Variants in SLC4A4 observed in about 807,000 individuals in gnomAD.
The protein encoded by SLC4A4 is electrogenic sodium bicarbonate cotransporter 1.
In SLC4A4, 27 loss-of-function variants were observed where a neutral mutation model predicts 111.5. The observed-to-expected ratio is 0.24, with a 90% CI of 0.18 to 0.33. The LOEUF is 0.33. Ranked by LOEUF, SLC4A4 falls within the 10% of genes least tolerant of loss-of-function variation. The pLI, the probability that SLC4A4 is intolerant of heterozygous loss-of-function variation, is 1.00. For missense variants in SLC4A4, 909 were observed against 1,315.5 expected, an observed-to-expected ratio of 0.69 and a Z score of 4.78; for synonymous variants, 443 against 463.4, an observed-to-expected ratio of 0.96 and a Z score of 0.57.
intron 6 of SLC4A4, among the ~76,000 whole-genome samples, chr4:71,362,942 T>C (rs1425515249): frequency 1.3e-5 from 2 of 152,208 alleles, no homozygotes; most frequent in Non-Finnish European, 2.9e-5. Context: ...CTCTGCATCT[T>C]ATCTTCAATT....
intron 1 of SLC4A4, among the ~76,000 whole-genome samples, chr4:71,217,343 G>A (rs1290876793): frequency 1.3e-5 from 2 of 152,128 alleles, no homozygotes; most frequent in East Asian, 1.9e-4. Context: ...TGAGGTGGGC[G>A]ATCCTGAGGT....
In SLC4A4 at chr4:71,345,026, C is replaced by T. The variant is rs564299776; in HGVS notation, c.390-4886C>T. On this transcript the variant is annotated intron_variant, in intron 4 of 25. Coordinates refer to ENST00000264485, the MANE Select transcript of SLC4A4 (RefSeq NM_001098484.3). ...ATGAAGTTTAAAGTAACTCTCAACTCTATCACCATCCCTTTTACGTCCTTT... is the reference window on the plus strand; with the variant it reads ...ATGAAGTTTAAAGTAACTCTCAACTTTATCACCATCCCTTTTACGTCCTTT... Among the ~76,000 whole-genome samples the T allele has an allele frequency of 5.3e-5, 8 of 152,296 alleles. No individual in the cohort carries two copies. The South Asian group carries it at 1.5e-3, about 28-fold the overall frequency.
chr4:71,070,226 C>G (rs919296663), intron 1 of SLC4A4, among the ~76,000 whole-genome samples: 2 of 152,110 alleles, frequency 1.3e-5, no homozygotes, highest in African/African-American at 4.8e-5. Context: ...TTAGGTGATG[C>G]TATAGTAACA....
At chr4:71,174,068 T>C (rs981610885) in intron 2 of SLC4A4, among the ~76,000 whole-genome samples, 20 of 152,142 alleles carry the variant, frequency 1.3e-4, no homozygotes, top group African/African-American at 1.9e-4. Context: ...GCTTATTCCA[T>C]TGGAATTTTT....
At chr4:71,485,617 A>C (rs902740300) in intron 14 of SLC4A4, among the ~76,000 whole-genome samples, 1 of 151,514 alleles carries the variant, frequency 6.6e-6, no homozygotes, top group South Asian at 2.1e-4. Flanking sequence ...AAATAGAGAA[A>C]CTCTGGCAAC....
intron 2 of SLC4A4, among the ~76,000 whole-genome samples, chr4:71,147,541 T>G (rs1744210749): frequency 6.6e-6 from 1 of 152,176 alleles, no homozygotes; most frequent in Non-Finnish European, 1.5e-5. Context: ...ACTTGGGTTT[T>G]TCTGCCAGTG....
intron 6 of SLC4A4, among the ~76,000 whole-genome samples, chr4:71,392,568 G>A (rs754130541): frequency 6.6e-6 from 1 of 152,064 alleles, no homozygotes; most frequent in Non-Finnish European, 1.5e-5. Flanking sequence ...CATATCCAGA[G>A]TGTTGATAGA....
chr4:71,096,185 T>C (rs745894542), intron 2 of SLC4A4, among the ~76,000 whole-genome samples: 3 of 152,014 alleles, frequency 2.0e-5, no homozygotes, highest in Non-Finnish European at 2.9e-5. Flanking sequence ...GGAACAAGGA[T>C]TGACTGACTC....
chr4:71,080,023 T>C lies in SLC4A4; in HGVS notation c.-64-12707T>C, dbSNP rs1220642312. Among the ~76,000 whole-genome samples the C allele has an allele frequency of 4.6e-5, 7 of 151,982 alleles. 1 individual carries two copies. Among genetic ancestry groups the C allele is most frequent in the African/African-American group, 1.7e-4 (7 of 41,280 alleles). ...CAACACCCCTCTCTGGAGGGATTAA[T>C]ATATTGATCAGCCTCTGGAGGGTGG... On this transcript the variant is annotated intron_variant, in intron 1 of 26. Transcript: ENST00000649996.
At position 71,369,811 on chromosome 4, in the gene SLC4A4, G is replaced by A. The variant is rs56068313; in HGVS notation, c.730+12624G>A. Reference sequence around the variant, plus strand: ...TGTGATATAATTTTTTTAAAGTAGAGTATTAAGAGATGAATAAGGTGATTC... The same window carrying A: ...TGTGATATAATTTTTTTAAAGTAGAATATTAAGAGATGAATAAGGTGATTC... On this transcript the variant is annotated intron_variant, in intron 6 of 25. Coordinates refer to ENST00000264485, the MANE Select transcript of SLC4A4 (RefSeq NM_001098484.3). 8.1e-3 allele frequency among the ~76,000 whole-genome samples: 1,236 copies of A among 152,224 alleles called. 17 individuals carry two copies. Among genetic ancestry groups the A allele is most frequent in the African/African-American group, 0.026 (1,062 of 41,524 alleles).
chr4:71,182,361 G>C (rs536749859), upstream of SLC4A4, among the ~76,000 whole-genome samples: 1 of 152,312 alleles, frequency 6.6e-6, no homozygotes, highest in South Asian at 2.1e-4. Flanking sequence ...GTGAAGACAT[G>C]AGTCTGGTAG....
chr4:71,080,778 CTGCTTTAGGTA>C (rs1464556253), intron 1 of SLC4A4, among the ~76,000 whole-genome samples: 1 of 152,036 alleles, frequency 6.6e-6, no homozygotes, highest in Non-Finnish European at 1.5e-5. Flanking sequence ...CCACTAGTCC[CTGCTTTAGGTA>C]TGCTGTAACC....
intron 2 of SLC4A4, among the ~76,000 whole-genome samples, chr4:71,172,722 T>G (rs904989258): frequency 6.6e-6 from 1 of 152,160 alleles, no homozygotes; most frequent in Non-Finnish European, 1.5e-5. Context: ...GTCTCGAAAT[T>G]TAATTTAGGG....
At chr4:71,480,730 T>C (rs964441336) in intron 14 of SLC4A4, among the ~76,000 whole-genome samples, 9 of 151,738 alleles carry the variant, frequency 5.9e-5, no homozygotes, top group African/African-American at 2.2e-4. Context: ...TCATGGAAAA[T>C]AGTCTTAAAG....
At chr4:71,377,742 G>A (rs890324291) in intron 6 of SLC4A4, among the ~76,000 whole-genome samples, 1 of 152,154 alleles carries the variant, frequency 6.6e-6, no homozygotes, top group Non-Finnish European at 1.5e-5. Flanking sequence ...AAGGGTCATG[G>A]TGACTCACAA....
At chr4:71,277,799 TC>T (rs1723196197) in intron 3 of SLC4A4, among the ~76,000 whole-genome samples, 1 of 152,140 alleles carries the variant, frequency 6.6e-6, no homozygotes, top group African/African-American at 2.4e-5. Context: ...TTGTCTTTTT[TC>T]TGCTTCATTG....
intron 2 of SLC4A4, among the ~76,000 whole-genome samples, chr4:71,107,577 C>T (rs558586918): frequency 1.1e-4 from 16 of 152,080 alleles, no homozygotes; most frequent in African/African-American, 3.1e-4. Flanking sequence ...CTCAAACTCC[C>T]GACCTCAAAT....
chr4:71,508,301 G>T (rs1244803181), intron 16 of SLC4A4, among the ~76,000 whole-genome samples: 1 of 151,962 alleles, frequency 6.6e-6, no homozygotes, highest in Non-Finnish European at 1.5e-5. Context: ...CCAGGAGCTG[G>T]TTTTTTGAAA....
At chr4:71,235,209 G>A (rs1719719841) in intron 1 of SLC4A4, among the ~76,000 whole-genome samples, 1 of 152,192 alleles carries the variant, frequency 6.6e-6, no homozygotes, top group South Asian at 2.1e-4. Flanking sequence ...GGTAGAGCTA[G>A]ATTTCTTAAA....
Sources: gnomAD v4.1 joint callset for allele counts (sites outside exome capture counted in the v4.1 genomes callset) on GRCh38, gnomAD v4.1.1 for gene constraint, MANE v1.5 for transcripts, NCBI Gene and HGNC (gene_info 2026-07-23, HGNC 2026-07-21) for gene names.